The following PARVG variants were observed in gnomAD, a reference collection of about 807,000 sequenced individuals.
PARVG encodes the protein parvin gamma, also known as gamma-parvin.
PARVG carries 36 observed loss-of-function variants against 44.4 expected under a neutral mutation model. The ratio of observed to expected loss-of-function variants is 0.81; its 90% CI spans 0.62 to 1.07. The LOEUF is 1.07. PARVG is among the 50% of genes least tolerant of loss of function. The probability of loss-of-function intolerance (pLI) is 0.00; values close to 1 mark genes in which losing one functional copy is unlikely to be tolerated. For synonymous variants in PARVG, 170 were observed against 174.1 expected, an observed-to-expected ratio of 0.98 and a Z score of 0.19; for missense variants, 407 against 407.4, an observed-to-expected ratio of 1.00 and a Z score of 0.01.
chr22:44,174,360 G>A (rs1030166130), intron 1 of PARVG, among the ~76,000 whole-genome samples: 3 of 152,090 alleles, frequency 2.0e-5, no homozygotes, highest in Non-Finnish European at 2.9e-5. Context: ...CAGGTGCACC[G>A]GAGTAGGGAC....
intron 9 of PARVG, 89 bp downstream of exon 9, chr22:44,193,912 T>G: frequency 2.0e-6 from 3 of 1,485,996 alleles, no homozygotes; most frequent in East Asian, 4.5e-5. Context: ...TTGCTGAGCA[T>G]TCTCTCATTT....
Position 44,182,821 on chromosome 22 carries a change from T to C in PARVG, c.-12-497T>C, listed in dbSNP as rs1336482526. Among the ~76,000 whole-genome samples the C allele has an allele frequency of 2.6e-5, 4 of 152,180 alleles. No homozygotes were observed. Among genetic ancestry groups the C allele is most frequent in the South Asian group, 2.1e-4 (1 of 4,836 alleles). On this transcript the variant is annotated intron_variant, in intron 2 of 13. Transcript: ENST00000444313. This position sits in a 1 kb window ranked among gnomAD's most constrained non-coding sequence, Gnocchi z 4.6. ...GGAGGAGGAAGATGAACAGTGCCTCTGTCAACCCTGGCCCTTCCGGTTTAT... is the reference window on the plus strand; with the variant it reads ...GGAGGAGGAAGATGAACAGTGCCTCCGTCAACCCTGGCCCTTCCGGTTTAT...
chr22:44,201,414 G>A (rs902282403), intron 12 of PARVG, among the ~76,000 whole-genome samples: 7 of 152,128 alleles, frequency 4.6e-5, no homozygotes, highest in South Asian at 2.1e-4. Context: ...CCTGCCGCCC[G>A]CAGCCTGCCA....
intron 4 of PARVG, 137 bp from the exon 5 acceptor site, chr22:44,187,639 C>T: frequency 1.3e-6 from 1 of 776,690 alleles, no homozygotes; most frequent in Non-Finnish European, 2.2e-6. Context: ...AGGAGGGCTT[C>T]CCAGTGGAGG....
At chr22:44,185,523 A>C in intron 3 of PARVG, 1 of 305,448 alleles carries the variant, frequency 3.3e-6, no homozygotes, top group Non-Finnish European at 6.4e-6. Context: ...ACTTTACCTA[A>C]ATAGGTAGGG....
At chr22:44,175,013 T>G (rs1187139671) in intron 1 of PARVG, among the ~76,000 whole-genome samples, 1 of 152,160 alleles carries the variant, frequency 6.6e-6, no homozygotes, top group Non-Finnish European at 1.5e-5. Context: ...TCCCAGCTAC[T>G]AGGGAGGCTG....
intron 11 of PARVG, among the ~76,000 whole-genome samples, chr22:44,196,833 G>C (rs1222622341): frequency 6.6e-6 from 1 of 152,172 alleles, no homozygotes; most frequent in Non-Finnish European, 1.5e-5. Context: ...CAGGCTCCAT[G>C]TCTCTCACAA....
chr22:44,181,293 C>T, intron 1 of PARVG, 108 bp downstream of exon 1: 1 of 977,930 alleles, frequency 1.0e-6, no homozygotes, highest in Non-Finnish European at 1.2e-6. Flanking sequence ...GGAAGTGACT[C>T]ACTCCTCCGA....
chr22:44,176,773 TG>T (rs2054322920), upstream of PARVG, among the ~76,000 whole-genome samples: 1 of 152,136 alleles, frequency 6.6e-6, no homozygotes, highest in Non-Finnish European at 1.5e-5. Flanking sequence ...TACCCAAGAC[TG>T]GGTAATTTTA....
chr22:44,177,240 T>G (rs1395081258), upstream of PARVG, among the ~76,000 whole-genome samples: 1 of 152,232 alleles, frequency 6.6e-6, no homozygotes. Flanking sequence ...ATATATATTT[T>G]CTGAATCTTT....
intron 4 of PARVG, chr22:44,186,982 C>T (rs2054481365): frequency 7.0e-6 from 2 of 284,512 alleles, no homozygotes; most frequent in South Asian, 3.4e-5. Flanking sequence ...GCACTCTGAC[C>T]TTTTGAGCAC....
chr22:44,198,678 C>A lies in PARVG; in HGVS notation c.769C>A (p.His257Asn), dbSNP rs1332292589. Reference protein sequence around the residue: ...LIGQLEGFFLHLKEFYLTPNS... With the variant: ...LIGQLEGFFLNLKEFYLTPNS... The stretch of plus-strand genomic sequence containing the variant: ...TGGACAACTTGAAGGCTTCTTCCTG[C>A]ACTTAAAGGAATTCTACCTCACTCC... Residue 257 changes from histidine to asparagine, a missense_variant, in exon 12 of 14, where the codon CAC becomes AAC. Transcript: ENST00000444313. The A allele has an allele frequency of 6.2e-7, 1 of 1,613,904 alleles. No individual in the cohort carries two copies. The highest frequency in any genetic ancestry group is 8.5e-7 in the Non-Finnish European group (1 of 1,179,836).
In PARVG at chr22:44,182,872, G is replaced by A. The variant is rs900868908; in HGVS notation, c.-12-446G>A. On this transcript the variant is annotated intron_variant, in intron 2 of 13. Coordinates refer to ENST00000444313, the MANE Select transcript of PARVG (RefSeq NM_022141.7). This position sits in a 1 kb window ranked among gnomAD's most constrained non-coding sequence, Gnocchi z 4.6. ...GGGATGGGAGATGTCACCATTCCACGTATCCACCTCAGCCAGCCCCACACA... is the reference window on the plus strand; with the variant it reads ...GGGATGGGAGATGTCACCATTCCACATATCCACCTCAGCCAGCCCCACACA... 6.6e-5 allele frequency among the ~76,000 whole-genome samples: 10 copies of A among 152,132 alleles called. No homozygotes were observed. The highest frequency in any genetic ancestry group is 1.9e-4 in the African/African-American group (8 of 41,422).
At chr22:44,189,844 G>C (rs543059562) in intron 6 of PARVG, among the ~76,000 whole-genome samples, 2 of 152,300 alleles carry the variant, frequency 1.3e-5, no homozygotes, top group South Asian at 2.1e-4. Flanking sequence ...TTGAACCTGG[G>C]AGGCAGAGGT....
chr22:44,205,909 G>T lies in PARVG; in HGVS notation c.886+80G>T. 2.0e-6 allele frequency: 3 copies of T among 1,498,240 alleles called. No individual in the cohort carries two copies. The South Asian group carries it at 3.5e-5, about 18-fold the overall frequency. 92.8% of individuals were successfully genotyped at this position (1,498,240 alleles called of 1,614,324 possible). On this transcript the variant is annotated intron_variant, in intron 13 of 13. Transcript: ENST00000444313. ...CGAGAGCCACAGAACAGGGTGCAGGGCATTGGGGGATGAGCACGCATTGGC... is the reference window on the plus strand; with the variant it reads ...CGAGAGCCACAGAACAGGGTGCAGGTCATTGGGGGATGAGCACGCATTGGC...
chr22:44,194,854 C>CATCCATTCATCT, intron 9 of PARVG, among the ~76,000 whole-genome samples: 1 of 151,812 alleles, frequency 6.6e-6, no homozygotes, highest in South Asian at 2.1e-4. Context: ...TCTATCCATC[C>CATCCATTCATCT]ATCCACCCAC....
upstream of PARVG, among the ~76,000 whole-genome samples, chr22:44,178,063 C>G (rs1455541910): frequency 3.3e-5 from 5 of 152,156 alleles, 1 homozygote; most frequent in South Asian, 6.2e-4. Flanking sequence ...CTTTGCTCCC[C>G]CTTCACCTTC....
At chr22:44,173,701 C>T (rs1392455164) in intron 1 of PARVG, among the ~76,000 whole-genome samples, 1 of 152,198 alleles carries the variant, frequency 6.6e-6, no homozygotes, top group Non-Finnish European at 1.5e-5. Flanking sequence ...CAAATTCAAC[C>T]TCCTTCTTTC....
At chr22:44,173,073 A>G (rs1018338533) in exon 1 of PARVG, 3 of 1,289,624 alleles carry the variant, frequency 2.3e-6, no homozygotes, top group African/African-American at 3.0e-5. Flanking sequence ...GGACCTTCCA[A>G]TTGGACAGGA....
Sources: allele counts gnomAD v4.1 joint callset (sites outside exome capture counted in the v4.1 genomes callset), GRCh38; gene constraint gnomAD v4.1.1; non-coding constraint Gnocchi (gnomAD v3.1); transcripts MANE v1.5; gene names NCBI Gene and HGNC (gene_info 2026-07-23, HGNC 2026-07-21).